The following SSH1 variants were observed in gnomAD, a reference collection of about 807,000 sequenced individuals.
SSH1 encodes the protein protein phosphatase Slingshot homolog 1.
SSH1 carries 43 observed loss-of-function variants against 79.7 expected under a neutral mutation model. The observed-to-expected ratio is 0.54, with a 90% CI of 0.42 to 0.70. SSH1 has a LOEUF of 0.70. SSH1 is among the 30% of genes least tolerant of loss of function. SSH1 has a pLI of 0.00. For missense variants in SSH1, 1,206 were observed against 1,358.8 expected, an observed-to-expected ratio of 0.89 and a Z score of 1.77; for synonymous variants, 599 against 538.3, an observed-to-expected ratio of 1.11 and a Z score of -1.56.
rs2036333010 is a variant in SSH1 at position 108,787,983 on chromosome 12, G to A, written c.*5C>T. ...TCCGCCCAGCCTGACGCAGCAAAAGGCGGGTCAGCTTTTGCTCATCCACGA... is the reference window on the plus strand; with the variant it reads ...TCCGCCCAGCCTGACGCAGCAAAAGACGGGTCAGCTTTTGCTCATCCACGA... On this transcript the variant is annotated 3_prime_UTR_variant, in exon 15 of 15. Coordinates refer to ENST00000326495, the MANE Select transcript of SSH1 (RefSeq NM_018984.4). 6.2e-7 allele frequency: 1 copy of A among 1,614,030 alleles called. No homozygotes were observed. Among genetic ancestry groups the A allele is most frequent in the Admixed American group, 1.7e-5 (1 of 60,000 alleles).
chr12:108,797,860 G>A (rs1196539738), intron 13 of SSH1, among the ~76,000 whole-genome samples: 2 of 152,236 alleles, frequency 1.3e-5, no homozygotes, highest in Non-Finnish European at 2.9e-5. Context: ...CACACCAGGT[G>A]TGAGTACCCA....
chr12:108,853,411 G>A lies in SSH1; in HGVS notation c.70-733C>T, dbSNP rs76336945. The A allele has an allele frequency of 2.8e-3, 2,559 of 924,290 alleles. 55 individuals are homozygous for A. In the African/African-American group the frequency reaches 0.041, roughly 15 times the overall value. 57.3% of individuals were successfully genotyped at this position (924,290 alleles called of 1,614,324 possible). On this transcript the variant is annotated intron_variant, in intron 1 of 14. Transcript: ENST00000326495. ...ACATACACACCCCCCAAACAACTCCGCACCGCTGGGACTTGGCATGTTTTT... is the reference window on the plus strand; with the variant it reads ...ACATACACACCCCCCAAACAACTCCACACCGCTGGGACTTGGCATGTTTTT...
chr12:108,852,038 T>C (rs1232013392), intron 2 of SSH1, among the ~76,000 whole-genome samples: 5 of 152,048 alleles, frequency 3.3e-5, no homozygotes, highest in African/African-American at 4.8e-5. Flanking sequence ...CAAGACCTTG[T>C]CTCTATTAGA....
At chr12:108,851,934 C>T (rs569312735) in intron 2 of SSH1, among the ~76,000 whole-genome samples, 1 of 152,030 alleles carries the variant, frequency 6.6e-6, no homozygotes, top group South Asian at 2.1e-4. Flanking sequence ...TTAGGCCGGG[C>T]ACAGTAGCTC....
rs557376208 is a variant in SSH1 at position 108,783,985 on chromosome 12, G to A, written c.*4003C>T. 5 of 152,222 alleles carry A rather than the reference G, an allele frequency of 3.3e-5. No homozygotes were observed. The highest frequency in any genetic ancestry group is 1.2e-4 in the African/African-American group (5 of 41,454). 9.4% of individuals were successfully genotyped at this position (152,222 alleles called of 1,614,324 possible). Reference sequence around the variant, plus strand: ...AGGGGGTCCCCTCGCTGAGTTGCGTGTTTAGAGGAGCCCTGCTAGGTGGCC... The same window carrying A: ...AGGGGGTCCCCTCGCTGAGTTGCGTATTTAGAGGAGCCCTGCTAGGTGGCC... On this transcript the variant is annotated 3_prime_UTR_variant, in exon 15 of 15. Transcript: ENST00000326495.
intron 2 of SSH1, among the ~76,000 whole-genome samples, chr12:108,833,246 G>C (rs1004096396): frequency 2.0e-5 from 3 of 151,588 alleles, no homozygotes; most frequent in African/African-American, 7.3e-5. Flanking sequence ...GACCCCAAGA[G>C]CCCTCAGGCC....
intron 2 of SSH1, among the ~76,000 whole-genome samples, chr12:108,838,420 C>T (rs373828820): frequency 5.3e-5 from 8 of 152,370 alleles, no homozygotes; most frequent in East Asian, 3.9e-4. Flanking sequence ...CTCACATACA[C>T]GGCTCTGGAC....
rs1323499616 is a variant in SSH1 at position 108,807,558 on chromosome 12, C to CG, written c.731+74dup. ...GTGTGGCCCAATGCAGGTTCAGGGTCGGGCACAGGGCAGGTGGGGGAGAGG... is the reference window on the plus strand; with the variant it reads ...GTGTGGCCCAATGCAGGTTCAGGGTCGGGGCACAGGGCAGGTGGGGGAGAGG... On this transcript the variant is annotated intron_variant, in intron 8 of 14. Coordinates refer to ENST00000326495, the MANE Select transcript of SSH1 (RefSeq NM_018984.4). This position sits in a 1 kb window ranked among gnomAD's most constrained non-coding sequence, Gnocchi z 5.2. 2 of 1,461,950 alleles carry CG rather than the reference C, an allele frequency of 1.4e-6. No individual in the cohort carries two copies. Among genetic ancestry groups the CG allele is most frequent in the African/African-American group, 2.8e-5 (2 of 71,860 alleles). 90.6% of individuals were successfully genotyped at this position (1,461,950 alleles called of 1,614,324 possible). A position where few individuals can be genotyped will look rare whatever the true frequency, so the allele number is the denominator to read the frequency against.
intron 2 of SSH1, 71 bp from the exon 3 acceptor site, chr12:108,823,432 G>T: frequency 7.6e-7 from 1 of 1,310,876 alleles, no homozygotes; most frequent in Non-Finnish European, 1.1e-6. Flanking sequence ...AATTACTGCA[G>T]GGGAAAAAGC....
Position 108,786,637 on chromosome 12 carries a change from T to C in SSH1, c.*1351A>G, listed in dbSNP as rs1373064509. 1 of 152,248 alleles carries C rather than the reference T, an allele frequency of 6.6e-6. No individual in the cohort carries two copies. The highest frequency in any genetic ancestry group is 1.5e-5 in the Non-Finnish European group (1 of 68,062). 9.4% of individuals were successfully genotyped at this position (152,248 alleles called of 1,614,324 possible). A position where few individuals can be genotyped will look rare whatever the true frequency, so the allele number is the denominator to read the frequency against. Reference sequence around the variant, plus strand: ...AGGTTGATGCTGCAGTGAGTCATGATTGCACTACTGTACTCCAGCCTAGGT... The same window carrying C: ...AGGTTGATGCTGCAGTGAGTCATGACTGCACTACTGTACTCCAGCCTAGGT... On this transcript the variant is annotated 3_prime_UTR_variant, in exon 15 of 15. Transcript: ENST00000326495.
At chr12:108,828,341 A>G (rs972553748) in intron 2 of SSH1, among the ~76,000 whole-genome samples, 1 of 152,154 alleles carries the variant, frequency 6.6e-6, no homozygotes, top group East Asian at 1.9e-4. Context: ...CTAGGAGCAC[A>G]TATCTCTACA....
In SSH1 at chr12:108,857,018, T is replaced by C. The variant is rs2039158104; in HGVS notation, c.69+410A>G. Among the ~76,000 whole-genome samples, 1 of 152,206 alleles carries C rather than the reference T, an allele frequency of 6.6e-6. No homozygotes were observed. The highest frequency in any genetic ancestry group is 2.1e-4 in the South Asian group (1 of 4,832). Reference sequence around the variant, plus strand: ...CCCCACACAATCACGAGGTCACATCTGCACACACAGTCTCTGCACAGTCAC... The same window carrying C: ...CCCCACACAATCACGAGGTCACATCCGCACACACAGTCTCTGCACAGTCAC... On this transcript the variant is annotated intron_variant, in intron 1 of 14. Coordinates refer to ENST00000326495, the MANE Select transcript of SSH1 (RefSeq NM_018984.4). This position sits in a 1 kb window ranked among gnomAD's most constrained non-coding sequence, Gnocchi z 4.7.
At chr12:108,856,711 C>T (rs911894065) in intron 1 of SSH1, among the ~76,000 whole-genome samples, 1 of 152,196 alleles carries the variant, frequency 6.6e-6, no homozygotes, top group African/African-American at 2.4e-5. Flanking sequence ...CTCCCAGATG[C>T]CTGTCTCACG....
Position 108,792,353 on chromosome 12 carries a change from T to A in SSH1, c.1826A>T (p.Asp609Val), listed in dbSNP as rs755021461. Residue 609 changes from aspartate (D) to valine (V), a missense_variant, in exon 14 of 15, where the codon GAT becomes GTT. Physicochemically the swap from Asp to Val is radical, Grantham distance 152. Transcript: ENST00000326495. The stretch of plus-strand genomic sequence containing the variant: ...GTTCTCCGAGTTGAGCAGGTTTTGA[T>A]CGAGCTGGGTTGGAAGCTGCCCCCA... ...GRWGQLPTQL[D>V]QNLLNSENLN... 6.2e-7 allele frequency: 1 copy of A among 1,614,146 alleles called. No individual in the cohort carries two copies. Among genetic ancestry groups the A allele is most frequent in the South Asian group, 1.1e-5 (1 of 91,080 alleles).
At chr12:108,796,641 A>G (rs1393446978) in intron 13 of SSH1, among the ~76,000 whole-genome samples, 1 of 152,204 alleles carries the variant, frequency 6.6e-6, no homozygotes, top group African/African-American at 2.4e-5. Flanking sequence ...TATCGTGGAT[A>G]ATGTTGCTAT....
chr12:108,834,431 A>G (rs536682016), intron 2 of SSH1: 2 of 152,272 alleles, frequency 1.3e-5, no homozygotes, highest in South Asian at 2.1e-4. Flanking sequence ...CTGAGGCTTA[A>G]GGGTTAAGTC....
At position 108,805,203 on chromosome 12, in the gene SSH1, T is replaced by G; in HGVS notation, c.826-19A>C. On this transcript the variant is annotated intron_variant, in intron 9 of 14. Transcript: ENST00000326495. The stretch of plus-strand genomic sequence containing the variant: ...TACGAATCTGTGGAGTAGAAAATAT[T>G]AGGAAAAGTGATTTGTTAAAGAAAA... The G allele has an allele frequency of 4.4e-6, 7 of 1,606,126 alleles. No individual in the cohort carries two copies. Among genetic ancestry groups the G allele is most frequent in the Non-Finnish European group, 6.0e-6 (7 of 1,173,094 alleles).
At chr12:108,797,750 G>C (rs1343545293) in intron 13 of SSH1, among the ~76,000 whole-genome samples, 1 of 152,192 alleles carries the variant, frequency 6.6e-6, no homozygotes, top group Admixed American at 6.5e-5. Context: ...CCTCTCTGCT[G>C]AGGGCTGCTT....
chr12:108,835,324 C>G (rs1566012417), intron 2 of SSH1, among the ~76,000 whole-genome samples: 1 of 152,136 alleles, frequency 6.6e-6, no homozygotes, highest in Non-Finnish European at 1.5e-5. Context: ...TCCTGTAATC[C>G]CAGCTATTGG....
Sources: allele counts gnomAD v4.1 joint callset (sites outside exome capture counted in the v4.1 genomes callset), GRCh38; gene constraint gnomAD v4.1.1; non-coding constraint Gnocchi (gnomAD v3.1); transcripts MANE v1.5; gene names NCBI Gene and HGNC (gene_info 2026-07-23, HGNC 2026-07-21).